ADD3: variants seen among roughly 807,000 people sequenced by gnomAD.
ADD3 encodes adducin 3, also known as gamma-adducin.
Under a neutral mutation model 80.2 loss-of-function variants are expected in ADD3, and 25 were observed. The ratio of observed to expected loss-of-function variants is 0.31; its 90% CI spans 0.23 to 0.44. The LOEUF (loss-of-function observed/expected upper bound fraction) is 0.44. ADD3 is among the 20% of genes least tolerant of loss of function. ADD3 has a pLI of 1.00. For synonymous variants in ADD3, 284 were observed against 289.6 expected (o/e 0.98, Z 0.20); for missense variants, 829 against 847.5 (o/e 0.98, Z 0.27).
At chr10:110,062,741 G>A (rs763187412) in intron 1 of ADD3, among the ~76,000 whole-genome samples, 2 of 152,102 alleles carry the variant, frequency 1.3e-5, no homozygotes, top group East Asian at 1.9e-4. Flanking sequence ...CTTCAATAAC[G>A]TATCAGAAAG....
At chr10:110,063,740 TATATATATATATATATATATATATATA>T (rs1843516411) in intron 1 of ADD3, among the ~76,000 whole-genome samples, 1 of 21,998 alleles carries the variant, frequency 4.5e-5, no homozygotes, top group African/African-American at 1.6e-4. Context: ...ATATTCATTA[TATATATATATATATATATATATATATA>T]TATATATATA....
At chr10:110,115,989 G>T (rs900148514) in intron 3 of ADD3, among the ~76,000 whole-genome samples, 4 of 152,148 alleles carry the variant, frequency 2.6e-5, no homozygotes, top group African/African-American at 9.7e-5. Flanking sequence ...TTTTTCCCCA[G>T]TGGTGTGAGC....
intron 1 of ADD3, among the ~76,000 whole-genome samples, chr10:110,030,281 C>T (rs1163631616): frequency 6.7e-6 from 1 of 149,750 alleles, no homozygotes; most frequent in African/African-American, 2.4e-5. Flanking sequence ...CAAGATCGCA[C>T]CATTGCACTC....
At chr10:110,065,488 G>GTCTCTC (rs67149777) in intron 1 of ADD3, among the ~76,000 whole-genome samples, 2 of 108,474 alleles carry the variant, frequency 1.8e-5, no homozygotes, top group Non-Finnish European at 1.9e-5. Flanking sequence ...GTCTCTGTCT[G>GTCTCTC]TCTCTCTCTC....
chr10:110,046,678 T>C (rs1485542389), intron 1 of ADD3, among the ~76,000 whole-genome samples: 1 of 152,166 alleles, frequency 6.6e-6, no homozygotes, highest in Non-Finnish European at 1.5e-5. Flanking sequence ...CTAGGTCTTG[T>C]TTTCCTCATC....
At chr10:109,999,470 T>G (rs1433477829) in intron 1 of ADD3, among the ~76,000 whole-genome samples, 1 of 152,248 alleles carries the variant, frequency 6.6e-6, no homozygotes, top group Non-Finnish European at 1.5e-5. Flanking sequence ...CAGCAGGAAT[T>G]GACCTCTATC....
At chr10:110,004,331 G>A (rs1044404692), upstream of ADD3, among the ~76,000 whole-genome samples, 17 of 151,666 alleles carry the variant, frequency 1.1e-4, 2 homozygotes, top group South Asian at 3.3e-3. Context: ...TCAGGAGATC[G>A]AGACCATCCT....
chr10:110,086,937 TC>T (rs1262173958), intron 1 of ADD3, among the ~76,000 whole-genome samples: 1 of 152,196 alleles, frequency 6.6e-6, no homozygotes, highest in East Asian at 1.9e-4. Flanking sequence ...AGATGTGGGT[TC>T]AGTGGTCTCC....
chr10:110,106,568 A>G (rs1849415875), intron 2 of ADD3, among the ~76,000 whole-genome samples: 1 of 152,122 alleles, frequency 6.6e-6, no homozygotes, highest in Admixed American at 6.6e-5. Context: ...CATTTTTAGA[A>G]GTCCATTTAT....
At chr10:110,087,845 A>G (rs2133835811) in intron 1 of ADD3, among the ~76,000 whole-genome samples, 1 of 152,322 alleles carries the variant, frequency 6.6e-6, no homozygotes, top group East Asian at 1.9e-4. Flanking sequence ...CCCGGTGGCT[A>G]AAAACAACAG....
chr10:110,118,439 T>TTGAGTAATTG, intron 5 of ADD3, 148 bp from the exon 6 acceptor site: 1 of 617,108 alleles, frequency 1.6e-6, no homozygotes, highest in South Asian at 2.0e-5. Flanking sequence ...AGCTGCAGAT[T>TTGAGTAATTG]TGAGTAATTG....
At chr10:110,043,095 A>G (rs1394074725) in intron 1 of ADD3, among the ~76,000 whole-genome samples, 2 of 152,246 alleles carry the variant, frequency 1.3e-5, no homozygotes, top group Non-Finnish European at 2.9e-5. Flanking sequence ...AGGCTGTGGA[A>G]TAGCCTACAG....
In ADD3 at chr10:110,122,296, G is replaced by C; in HGVS notation, c.1143+4G>C. 2 of 1,609,758 alleles carry C rather than the reference G, an allele frequency of 1.2e-6. No homozygotes were observed. Among genetic ancestry groups the C allele is most frequent in the Non-Finnish European group, 1.7e-6 (2 of 1,178,228 alleles). On this transcript the variant is annotated splice_donor_region_variant and intron_variant, in intron 9 of 14. Coordinates refer to ENST00000356080, the MANE Select transcript of ADD3 (RefSeq NM_016824.5). ...TATGAGGACTCTGGACAACTTGGTA[G>C]GTTGCAAAATTGAAGTAAAACTTGG...
At chr10:110,065,721 G>T (rs1416583184) in intron 1 of ADD3, among the ~76,000 whole-genome samples, 2 of 150,354 alleles carry the variant, frequency 1.3e-5, no homozygotes, top group African/African-American at 4.9e-5. Flanking sequence ...TGTATTTTTA[G>T]TAGAGACGAG....
chr10:110,131,170 C>T (rs772421106), intron 13 of ADD3, among the ~76,000 whole-genome samples: 3 of 152,152 alleles, frequency 2.0e-5, no homozygotes, highest in Non-Finnish European at 4.4e-5. Flanking sequence ...CTTAAGCACA[C>T]GGACACTCTA....
At chr10:110,050,678 A>G (rs759179799) in intron 1 of ADD3, among the ~76,000 whole-genome samples, 1 of 151,660 alleles carries the variant, frequency 6.6e-6, no homozygotes. Flanking sequence ...ACACCAAGCT[A>G]ATTTTCGTTT....
chr10:110,126,508 GT>G lies in ADD3; in HGVS notation c.1608+8del. On this transcript the variant is annotated splice_donor_region_variant and intron_variant, in intron 12 of 14. Transcript: ENST00000356080. ...GTTGTGGATAAGCCACCTTCTGTAA[GT>G]TTATGAAGTAGTATGATCTTTGTTT... The G allele has an allele frequency of 6.3e-7, 1 of 1,594,696 alleles. No homozygotes were observed. Among genetic ancestry groups the G allele is most frequent in the Non-Finnish European group, 8.6e-7 (1 of 1,163,422 alleles).
chr10:110,043,728 A>G (rs970448438), intron 1 of ADD3, among the ~76,000 whole-genome samples: 19 of 152,216 alleles, frequency 1.2e-4, no homozygotes, highest in Non-Finnish European at 1.2e-4. Flanking sequence ...GATAAACACT[A>G]TGGGGGATAC....
intron 1 of ADD3, among the ~76,000 whole-genome samples, chr10:110,064,035 C>A (rs901496669): frequency 6.6e-6 from 1 of 151,868 alleles, no homozygotes; most frequent in Non-Finnish European, 1.5e-5. Context: ...TTTTGCCCAG[C>A]ATTTTTTTTC....
Sources: gnomAD v4.1 joint callset for allele counts (sites outside exome capture counted in the v4.1 genomes callset) on GRCh38, gnomAD v4.1.1 for gene constraint, MANE v1.5 for transcripts, NCBI Gene and HGNC (gene_info 2026-07-23, HGNC 2026-07-21) for gene names.